Variants in KPNA1 observed in about 807,000 individuals in gnomAD.
KPNA1 encodes karyopherin subunit alpha 1.
A neutral mutation model predicts 70.5 loss-of-function variants in KPNA1; 10 were observed. The ratio of observed to expected loss-of-function variants is 0.14; its 90% CI spans 0.09 to 0.24. The LOEUF (loss-of-function observed/expected upper bound fraction) is 0.24, where lower values mean the gene tolerates loss of function less well. KPNA1 is among the 10% of genes least tolerant of loss of function. The probability of loss-of-function intolerance (pLI) is 1.00; values close to 1 mark genes in which losing one functional copy is unlikely to be tolerated. For synonymous variants in KPNA1, 192 were observed against 221.9 expected (o/e 0.87, Z 1.20); for missense variants, 397 against 637.9 (o/e 0.62, Z 4.07).
At chr3:122,451,212 A>G (rs961148645) in intron 8 of KPNA1, among the ~76,000 whole-genome samples, 23 of 152,214 alleles carry the variant, frequency 1.5e-4, no homozygotes, top group African/African-American at 5.3e-4. Context: ...CACTGTTTTA[A>G]GAGAACTGAA....
At chr3:122,434,262 G>C (rs1033440957) in intron 11 of KPNA1, among the ~76,000 whole-genome samples, 1 of 152,116 alleles carries the variant, frequency 6.6e-6, no homozygotes, top group African/African-American at 2.4e-5. Flanking sequence ...TTCTGTCTTG[G>C]TATCACTGAA....
chr3:122,477,425 C>A (rs1001900433), intron 2 of KPNA1, among the ~76,000 whole-genome samples: 1 of 152,134 alleles, frequency 6.6e-6, no homozygotes, highest in Non-Finnish European at 1.5e-5. Context: ...ATTAGCCAGG[C>A]ATGATGGCTC....
At chr3:122,448,104 T>C (rs2076160196) in intron 9 of KPNA1, among the ~76,000 whole-genome samples, 1 of 152,124 alleles carries the variant, frequency 6.6e-6, no homozygotes, top group African/African-American at 2.4e-5. Flanking sequence ...AAACAAGAGA[T>C]GCTGGAGAGG....
intron 1 of KPNA1, among the ~76,000 whole-genome samples, chr3:122,498,081 T>C (rs1272201867): frequency 6.6e-6 from 1 of 152,200 alleles, no homozygotes; most frequent in African/African-American, 2.4e-5. Context: ...TCCAACCTCA[T>C]TTTTTTGCAT....
At position 122,514,915 on chromosome 3, in the gene KPNA1, T is replaced by G. The variant is rs2077002379; in HGVS notation, c.-164A>C. The G allele has an allele frequency of 6.6e-6, 1 of 152,252 alleles. No homozygotes were observed. The allele number at this position is 152,252 out of a possible 1,614,324, so 9.4% of individuals were successfully genotyped here. On this transcript the variant is annotated 5_prime_UTR_variant, in exon 1 of 14. Coordinates refer to ENST00000344337, the MANE Select transcript of KPNA1 (RefSeq NM_002264.4). ...GCCGCCTCGCACCGAGCAGCGAGAC[T>G]CAGCTCAGCCGGCGTTCGCAGTGCG...
chr3:122,499,636 G>A (rs756689763), intron 1 of KPNA1, among the ~76,000 whole-genome samples: 1 of 152,056 alleles, frequency 6.6e-6, no homozygotes, highest in African/African-American at 2.4e-5. Context: ...GTGTGCACCT[G>A]TAGTTCCAGG....
chr3:122,460,224 A>C (rs2076308783), intron 5 of KPNA1: 1 of 985,394 alleles, frequency 1.0e-6, no homozygotes. Context: ...ACTCCAGGGA[A>C]GTTTACTAAA....
At chr3:122,465,667 C>G (rs1272384272) in intron 3 of KPNA1, among the ~76,000 whole-genome samples, 1 of 152,180 alleles carries the variant, frequency 6.6e-6, no homozygotes, top group Non-Finnish European at 1.5e-5. Context: ...TTTGGGAAGC[C>G]AAGGCGGGTG....
At chr3:122,448,591 C>T (rs139497528) in intron 9 of KPNA1, among the ~76,000 whole-genome samples, 1 of 151,756 alleles carries the variant, frequency 6.6e-6, no homozygotes, top group African/African-American at 2.4e-5. Flanking sequence ...TGGGGCCTGT[C>T]GTGGAGTTGG....
At chr3:122,488,870 T>C (rs2076661133) in intron 2 of KPNA1, among the ~76,000 whole-genome samples, 1 of 152,226 alleles carries the variant, frequency 6.6e-6, no homozygotes, top group African/African-American at 2.4e-5. Context: ...TCATCTTTCT[T>C]GTGATGGGGA....
rs764188891 is a variant in KPNA1 at position 122,423,434 on chromosome 3, G to C, written c.*3551C>G. 1 of 152,120 alleles carries C rather than the reference G, an allele frequency of 6.6e-6. No homozygotes were observed. The highest frequency in any genetic ancestry group is 1.5e-5 in the Non-Finnish European group (1 of 68,018). The allele number at this position is 152,120 out of a possible 1,614,324, so 9.4% of individuals were successfully genotyped here. ...GCAAACAATGCTGGTTTCTAAAAGTGGATCCCTTTTCTTCACTGAACATCA... is the reference window on the plus strand; with the variant it reads ...GCAAACAATGCTGGTTTCTAAAAGTCGATCCCTTTTCTTCACTGAACATCA... On this transcript the variant is annotated 3_prime_UTR_variant, in exon 14 of 14. Transcript: ENST00000344337.
At chr3:122,503,591 T>C (rs1392855363) in intron 1 of KPNA1, among the ~76,000 whole-genome samples, 3 of 152,174 alleles carry the variant, frequency 2.0e-5, no homozygotes, top group African/African-American at 7.2e-5. Flanking sequence ...ATCTGTACAA[T>C]GGACATAATG....
intron 5 of KPNA1, among the ~76,000 whole-genome samples, chr3:122,457,212 T>C (rs2076274097): frequency 6.6e-6 from 1 of 152,262 alleles, no homozygotes; most frequent in Admixed American, 6.5e-5. Context: ...ATTTGCCATC[T>C]ATTTTTTTGT....
At chr3:122,441,891 G>A (rs972521645) in intron 10 of KPNA1, 147 bp downstream of exon 10, 38 of 706,710 alleles carry the variant, frequency 5.4e-5, no homozygotes, top group African/African-American at 8.9e-5. Context: ...GTGAGTGACC[G>A]CCCCCGGCCC....
chr3:122,465,286 G>A (rs7612067), intron 3 of KPNA1, among the ~76,000 whole-genome samples: 10,882 of 152,194 alleles, frequency 0.072, 1,278 homozygotes, highest in African/African-American at 0.24. Flanking sequence ...AAAATATTAA[G>A]TAAAAAGTAC....
At chr3:122,459,755 T>A (rs12487598) in intron 5 of KPNA1, 1 of 985,036 alleles carries the variant, frequency 1.0e-6, no homozygotes, top group Non-Finnish European at 1.2e-6. Flanking sequence ...AAAACTGATG[T>A]GACATTGAAG....
rs532071662 is a variant in KPNA1 at position 122,504,302 on chromosome 3, T to C, written c.-5-7732A>G. 9.3e-5 allele frequency among the ~76,000 whole-genome samples: 11 copies of C among 118,452 alleles called. No homozygotes were observed. The South Asian group carries it at 2.6e-3, about 28-fold the overall frequency. 77.7% of individuals were successfully genotyped at this position (118,452 alleles called of 152,430 possible). A position where few individuals can be genotyped will look rare whatever the true frequency, so the allele number is the denominator to read the frequency against. On this transcript the variant is annotated intron_variant, in intron 1 of 13. Coordinates refer to ENST00000344337, the MANE Select transcript of KPNA1 (RefSeq NM_002264.4). ...CCACCTCCTGGTTCACAGATGACCA[T>C]TTTTTTCACTGTGTATTCACATAGC...
chr3:122,458,055 A>G (rs1015454608), intron 5 of KPNA1, among the ~76,000 whole-genome samples: 2 of 152,216 alleles, frequency 1.3e-5, no homozygotes, highest in African/African-American at 4.8e-5. Flanking sequence ...AGAAAAGGGG[A>G]AACTAAGCCA....
intron 11 of KPNA1, among the ~76,000 whole-genome samples, chr3:122,434,036 A>G (rs6438728): frequency 0.14 from 21,134 of 152,044 alleles, 1,572 homozygotes; most frequent in East Asian, 0.32. Flanking sequence ...TCCTGGGTTC[A>G]AGTGATTCTC....
Sources: gnomAD v4.1 joint callset for allele counts (sites outside exome capture counted in the v4.1 genomes callset) on GRCh38, gnomAD v4.1.1 for gene constraint, MANE v1.5 for transcripts, NCBI Gene and HGNC (gene_info 2026-07-23, HGNC 2026-07-21) for gene names.